The following NOP14 variants were observed in gnomAD, a reference collection of about 807,000 sequenced individuals.
NOP14 encodes the protein nucleolar protein 14.
NOP14 carries 57 observed loss-of-function variants against 101.6 expected under a neutral mutation model. The ratio of observed to expected loss-of-function variants is 0.56; its 90% CI spans 0.45 to 0.70. The LOEUF is 0.70. NOP14 is among the 30% of genes least tolerant of loss of function. The pLI, the probability that NOP14 is intolerant of heterozygous loss-of-function variation, is 0.00. For synonymous variants in NOP14, 428 were observed against 424.0 expected (o/e 1.01, Z -0.12); for missense variants, 1,134 against 1,075.5 (o/e 1.05, Z -0.76).
chr4:2,954,651 A>G (rs1215520156), intron 3 of NOP14, 88 bp from the exon 4 acceptor site: 2 of 1,486,102 alleles, frequency 1.3e-6, no homozygotes, highest in African/African-American at 2.8e-5. Flanking sequence ...TGCTTCCCCC[A>G]TAGTGGTCTG....
Position 2,938,499 on chromosome 4 carries a change from C to T in NOP14, c.*332G>A, listed in dbSNP as rs375932199. On this transcript the variant is annotated 3_prime_UTR_variant, in exon 18 of 18. Transcript: ENST00000416614. ...AGCCTGGGCAACAAGAGCAAAACTCCGTCTCAAAAAAAAAAATTTTTTTTT... is the reference window on the plus strand; with the variant it reads ...AGCCTGGGCAACAAGAGCAAAACTCTGTCTCAAAAAAAAAAATTTTTTTTT... The T allele has an allele frequency of 5.6e-5, 19 of 338,690 alleles. No homozygotes were observed. Among genetic ancestry groups the T allele is most frequent in the East Asian group, 1.6e-4 (2 of 12,400 alleles). 21.0% of individuals were successfully genotyped at this position (338,690 alleles called of 1,614,324 possible).
Position 2,950,040 on chromosome 4 carries a change from G to A in NOP14, c.1176C>T (p.Asn392=), listed in dbSNP as rs558137705. 16 of 1,614,124 alleles carry A rather than the reference G, an allele frequency of 9.9e-6. No homozygotes were observed. The East Asian group carries it at 1.3e-4, about 13-fold the overall frequency. ...GCCTCTGCTCTTTTGCTGGCTTCTC[G>A]TTTTCTTCCTCACTCTCCACGTTGG... ...LESNVESEEE[N]EKPAKEQRQT... is the part of the protein sequence containing the mutation. Residue 392 remains asparagine, a synonymous_variant, in exon 8 of 18, where the codon AAC becomes AAT. Transcript: ENST00000416614.
rs1430024245 is a variant in NOP14, at chr4:2,939,627, G to A, written c.2218C>T (p.Leu740=). 1 of 1,613,716 alleles carries A rather than the reference G, an allele frequency of 6.2e-7. No homozygotes were observed. The highest frequency in any genetic ancestry group is 8.5e-7 in the Non-Finnish European group (1 of 1,179,928). The change falls in exon 16 of 18, where the codon CTG becomes TTG. Residue 740 remains leucine, a synonymous_variant. Transcript: ENST00000416614. ...TGCTTCTGGCTTTCCATTTCGGTCA[G>A]TGTGCTCTGACACAGCTCCTGAAAA... ...QELQELCQST[L]TEMESQKQLC...
chr4:2,942,676 C>T (rs570311329), intron 13 of NOP14, among the ~76,000 whole-genome samples: 1 of 152,174 alleles, frequency 6.6e-6, no homozygotes, highest in Non-Finnish European at 1.5e-5. Context: ...GAAGTCCCTG[C>T]CCCTGTCGGG....
In NOP14 at chr4:2,954,445, A is replaced by C; in HGVS notation, c.591T>G (p.Ile197Met). 6.2e-7 allele frequency: 1 copy of C among 1,614,124 alleles called. No homozygotes were observed. Among genetic ancestry groups the C allele is most frequent in the African/African-American group, 1.3e-5 (1 of 75,022 alleles). The change falls in exon 4 of 18, where the codon ATT becomes ATG. Residue 197 changes from isoleucine (I) to methionine (M), a missense_variant. Transcript: ENST00000416614. ...KSRKELIEEL[I>M]AKSKQEKRER... Reference sequence around the variant, plus strand: ...CCACCTTCTCTTGTTTTGACTTGGCAATGAGCTCTTCAATCAGCTCTTTCC... The same window carrying C: ...CCACCTTCTCTTGTTTTGACTTGGCCATGAGCTCTTCAATCAGCTCTTTCC...
chr4:2,951,528 T>C lies in NOP14; in HGVS notation c.871-283A>G, dbSNP rs1001277981. 2.0e-5 allele frequency among the ~76,000 whole-genome samples: 3 copies of C among 152,186 alleles called. No individual in the cohort carries two copies. In the East Asian group the frequency reaches 5.8e-4, roughly 29 times the overall value. ...TGAGGCCTTCACAGCCCAATTCTGC[T>C]GGCCAGCCCCGACTGGGACTCATCA... On this transcript the variant is annotated intron_variant, in intron 6 of 17. Transcript: ENST00000416614.
intron 1 of NOP14, among the ~76,000 whole-genome samples, chr4:2,958,703 C>T (rs2515963): frequency 0.28 from 43,181 of 152,066 alleles, 6,435 homozygotes; most frequent in Non-Finnish European, 0.32. Context: ...TGAAAGAATG[C>T]GTGCGTGTGG....
chr4:2,957,961 T>TTA (rs1715461751), intron 1 of NOP14, among the ~76,000 whole-genome samples: 1 of 152,188 alleles, frequency 6.6e-6, no homozygotes, highest in Non-Finnish European at 1.5e-5. Context: ...TTTCTTTTCT[T>TTA]CTTTAGAGTC....
rs192051627 is a variant in NOP14 at position 2,962,888 on chromosome 4, C to G, written c.195+237G>C. Among the ~76,000 whole-genome samples the G allele has an allele frequency of 3.5e-3, 530 of 152,274 alleles. 5 individuals carry two copies. Among genetic ancestry groups the G allele is most frequent in the African/African-American group, 9.2e-3 (382 of 41,554 alleles). Reference sequence around the variant, plus strand: ...CCGAAGTGACTGACTCGGCCTGACCCGGTTGGAGGAGTCGCCGAAATAACA... The same window carrying G: ...CCGAAGTGACTGACTCGGCCTGACCGGGTTGGAGGAGTCGCCGAAATAACA... On this transcript the variant is annotated intron_variant, in intron 1 of 17. Coordinates refer to ENST00000416614, the MANE Select transcript of NOP14 (RefSeq NM_001291978.2).
intron 7 of NOP14, chr4:2,950,588 C>T (rs1487536803): frequency 3.7e-6 from 1 of 267,980 alleles, no homozygotes; most frequent in South Asian, 5.8e-5. Flanking sequence ...TATCCATTTT[C>T]CTGTGTGGAT....
rs2109302859 is a variant in NOP14 at position 2,948,258 on chromosome 4, C to T, written c.1413+20G>A. On this transcript the variant is annotated intron_variant, in intron 9 of 17. Transcript: ENST00000416614. ...CTATGCTGACACTCCCAGCGCTCCA[C>T]ACACACTCAATCCACGTACTTCTAA... 1 of 1,588,922 alleles carries T rather than the reference C, an allele frequency of 6.3e-7. No individual in the cohort carries two copies. The highest frequency in any genetic ancestry group is 8.5e-7 in the Non-Finnish European group (1 of 1,171,798).
intron 1 of NOP14, among the ~76,000 whole-genome samples, chr4:2,959,517 C>T (rs992363858): frequency 6.6e-5 from 10 of 152,032 alleles, no homozygotes; most frequent in African/African-American, 2.2e-4. Flanking sequence ...GGCGTGAACC[C>T]GGGAAGTGGA....
intron 13 of NOP14, 33 bp downstream of exon 13, chr4:2,944,040 A>C: frequency 1.3e-6 from 2 of 1,563,666 alleles, no homozygotes; most frequent in Non-Finnish European, 1.7e-6. Context: ...AAAGTATAAC[A>C]TATTTGTAGG....
At position 2,941,706 on chromosome 4, in the gene NOP14, A is replaced by G. The variant is rs754292009; in HGVS notation, c.2075T>C (p.Leu692Pro). 1 of 1,612,944 alleles carries G rather than the reference A, an allele frequency of 6.2e-7. No homozygotes were observed. The change falls in exon 15 of 18, where the codon CTG (leucine) becomes CCG (proline). Residue 692 changes from leucine to proline, a missense_variant. By Grantham distance (98) the Leu-to-Pro change is moderately conservative. Transcript: ENST00000416614. The part of the protein sequence containing the change: ...HIRLSCLAVG[L>P]ALLKRCVLMY... The stretch of plus-strand genomic sequence containing the variant: ...GAGCACGCAGCGCTTCAGCAGGGCC[A>G]GGCCCACAGCCAGGCAGGACAGTCT...
In NOP14 at chr4:2,953,658, T is replaced by A. The variant is rs1368662596; in HGVS notation, c.613-13A>T. The A allele has an allele frequency of 8.1e-6, 13 of 1,613,902 alleles. No individual in the cohort carries two copies. Among genetic ancestry groups the A allele is most frequent in the Non-Finnish European group, 1.0e-5 (12 of 1,180,006 alleles). ...CTTGTCTCTCCCTCTGGGGAAAAAA[T>A]AACAGACACACACCACATACCGTTA... On this transcript the variant is annotated splice_polypyrimidine_tract_variant and intron_variant, in intron 4 of 17. Transcript: ENST00000416614.
At position 2,956,740 on chromosome 4, in the gene NOP14, CAA is replaced by C. The variant is rs768449341; in HGVS notation, c.400_401del (p.Leu134GlyfsTer7). 6.2e-7 allele frequency: 1 copy of C among 1,613,484 alleles called. No individual in the cohort carries two copies. Among genetic ancestry groups the C allele is most frequent in the Admixed American group, 1.7e-5 (1 of 59,964 alleles). ...DEELTHYGQS[L>X]ADIEKHNDIV... ...TGTCATTATGCTTCTCGATGTCTGC[CAA>C]AGACTGGCCATAATGAGTCAATTCT... is the stretch of plus-strand genomic sequence containing the variant. On this transcript the variant is annotated frameshift_variant, in exon 3 of 18. Coordinates refer to ENST00000416614, the MANE Select transcript of NOP14 (RefSeq NM_001291978.2). LOFTEE classifies it high-confidence loss of function.
intron 14 of NOP14, 92 bp downstream of exon 14, chr4:2,942,100 C>T: frequency 7.4e-7 from 1 of 1,358,124 alleles, no homozygotes; most frequent in Non-Finnish European, 1.0e-6. Flanking sequence ...GGCAAGTTCA[C>T]TAAGAACAGC....
At chr4:2,961,082 A>T (rs1300970447) in intron 1 of NOP14, among the ~76,000 whole-genome samples, 1 of 111,260 alleles carries the variant, frequency 9.0e-6, no homozygotes, top group African/African-American at 4.0e-5. Context: ...TACTATATTA[A>T]TATTATAATA....
At chr4:2,943,960 T>G (rs1577825775) in intron 13 of NOP14, 113 bp downstream of exon 13, 1 of 824,636 alleles carries the variant, frequency 1.2e-6, no homozygotes. Context: ...GGGTGGCAGG[T>G]TGTGTGTTTC....
Sources: gnomAD v4.1 joint callset for allele counts (sites outside exome capture counted in the v4.1 genomes callset) on GRCh38, gnomAD v4.1.1 for gene constraint, MANE v1.5 for transcripts, NCBI Gene and HGNC (gene_info 2026-07-23, HGNC 2026-07-21) for gene names.